UBN1: variants seen among roughly 807,000 people sequenced by gnomAD.
UBN1 encodes the protein ubinuclein 1.
A neutral mutation model predicts 108.5 loss-of-function variants in UBN1; 17 were observed. That is an observed-to-expected ratio of 0.16 (90% CI 0.11 to 0.24). UBN1 has a LOEUF of 0.24. Ranked by LOEUF, UBN1 falls within the 10% of genes least tolerant of loss-of-function variation. The probability of loss-of-function intolerance (pLI) is 1.00; values close to 1 mark genes in which losing one functional copy is unlikely to be tolerated. For synonymous variants in UBN1, 726 were observed against 564.2 expected (o/e 1.29, Z -4.07); for missense variants, 1,595 against 1,394.4 (o/e 1.14, Z -2.29).
At chr16:4,855,342 T>A (rs963721763) in intron 2 of UBN1, among the ~76,000 whole-genome samples, 1 of 152,082 alleles carries the variant, frequency 6.6e-6, no homozygotes, top group African/African-American at 2.4e-5. Context: ...TGGCCTGGCA[T>A]AGTGGCTCAC....
At chr16:4,868,761 G>C in intron 7 of UBN1, 72 bp from the exon 8 acceptor site, 2 of 1,487,038 alleles carry the variant, frequency 1.3e-6, no homozygotes, top group Non-Finnish European at 9.3e-7. Context: ...GATGACTCCT[G>C]TGCCTGTGGG....
chr16:4,859,941 C>T lies in UBN1; in HGVS notation c.644C>T (p.Ser215Leu). 4.3e-6 allele frequency: 7 copies of T among 1,614,090 alleles called. No homozygotes were observed. The highest frequency in any genetic ancestry group is 5.9e-6 in the Non-Finnish European group (7 of 1,180,008). Residue 215 changes from serine (S) to leucine (L), a missense_variant, in exon 6 of 18, where the codon TCG becomes TTG. Coordinates refer to ENST00000262376, the MANE Select transcript of UBN1 (RefSeq NM_001079514.3). The part of the protein sequence containing the change: ...KDDTYDKEKK[S>L]KKSKFSKAGF... ...GACACTTATGACAAGGAGAAGAAATCGAAAAAGTCCAAGTTTTCCAAAGCC... is the reference window on the plus strand; with the variant it reads ...GACACTTATGACAAGGAGAAGAAATTGAAAAAGTCCAAGTTTTCCAAAGCC...
rs752371280 is a variant in UBN1, at chr16:4,859,833, C to G, written c.568-32C>G. On this transcript the variant is annotated intron_variant, in intron 5 of 17. Coordinates refer to ENST00000262376, the MANE Select transcript of UBN1 (RefSeq NM_001079514.3). ...TGCACTTGCTCCCTGAGTTAGGGAG[C>G]CGTGTAACTGTGCCTTGTCTTTAAT... is the stretch of plus-strand genomic sequence containing the variant. 59 of 1,612,600 alleles carry G rather than the reference C, an allele frequency of 3.7e-5. 1 individual carries two copies. The South Asian group carries it at 6.3e-4, about 17-fold the overall frequency.
In UBN1 at chr16:4,861,066, A is replaced by G. The variant is rs1201763516; in HGVS notation, c.1074A>G (p.Pro358=). ...CCTCTTCTCTCCCCGAAGGCCTGCC[A>G]GCACCCCTGGAGAAGCGCGTTAAGG... The part of the protein sequence containing the change: ...RQPSSLPEGL[P]APLEKRVKEL... The change falls in exon 7 of 18, where the codon CCA becomes CCG. Residue 358 remains proline, a synonymous_variant. Transcript: ENST00000262376. 6.2e-7 allele frequency: 1 copy of G among 1,613,878 alleles called. No individual in the cohort carries two copies. The highest frequency in any genetic ancestry group is 1.7e-5 in the Admixed American group (1 of 60,030).
chr16:4,874,938 A>C lies in UBN1; in HGVS notation c.2528A>C (p.Gln843Pro). The C allele has an allele frequency of 6.2e-7, 1 of 1,614,174 alleles. No individual in the cohort carries two copies. Among genetic ancestry groups the C allele is most frequent in the East Asian group, 2.2e-5 (1 of 44,890 alleles). The part of the protein sequence containing the change: ...SPTQCHRSLL[Q>P]LVKTAAKGQG... ...ACACAGTGTCATCGTTCCCTCCTGC[A>C]GTTAGTGAAGACAGCGGCCAAAGGC... is the stretch of plus-strand genomic sequence containing the variant. The change falls in exon 15 of 18, where the codon CAG (glutamine) becomes CCG (proline). Residue 843 changes from glutamine (Q) to proline (P), a missense_variant. Coordinates refer to ENST00000262376, the MANE Select transcript of UBN1 (RefSeq NM_001079514.3).
chr16:4,866,663 C>T (rs2087347799), intron 7 of UBN1, among the ~76,000 whole-genome samples: 1 of 152,234 alleles, frequency 6.6e-6, no homozygotes, highest in African/African-American at 2.4e-5. Flanking sequence ...CAGGCATGCA[C>T]CACCATGCCC....
rs1405905994 is a variant in UBN1, at chr16:4,860,864, C to T, written c.872C>T (p.Ser291Leu). Residue 291 changes from serine to leucine, a missense_variant, in exon 7 of 18, where the codon TCA becomes TTA. This residue lies in a region of UBN1 where 1,398 missense variants were observed against 1,194.7 expected (regional missense o/e 1.17). Coordinates refer to ENST00000262376, the MANE Select transcript of UBN1 (RefSeq NM_001079514.3). ...ELEGASDPLLSLFGSTSDNDL... is the reference protein window; with the variant it reads ...ELEGASDPLLLLFGSTSDNDL... Reference sequence around the variant, plus strand: ...GAGGGTGCCTCTGACCCCTTGCTCTCACTCTTTGGCTCTACTTCTGACAAC... The same window carrying T: ...GAGGGTGCCTCTGACCCCTTGCTCTTACTCTTTGGCTCTACTTCTGACAAC... 1 of 1,614,266 alleles carries T rather than the reference C, an allele frequency of 6.2e-7. No individual in the cohort carries two copies. Among genetic ancestry groups the T allele is most frequent in the Non-Finnish European group, 8.5e-7 (1 of 1,180,052 alleles).
intron 12 of UBN1, 92 bp from the exon 13 acceptor site, chr16:4,872,792 C>T: frequency 7.0e-7 from 1 of 1,430,398 alleles, no homozygotes; most frequent in Non-Finnish European, 9.8e-7. Context: ...TGAGGGATAG[C>T]TACTGAGGAC....
intron 1 of UBN1, among the ~76,000 whole-genome samples, chr16:4,849,232 C>T (rs895484259): frequency 1.3e-5 from 2 of 152,098 alleles, no homozygotes; most frequent in African/African-American, 2.4e-5. Context: ...TTGCCTAAAA[C>T]CTGAAAGTTC....
At chr16:4,860,098 G>C in intron 6 of UBN1, 130 bp downstream of exon 6, 1 of 1,127,956 alleles carries the variant, frequency 8.9e-7, no homozygotes, top group East Asian at 2.6e-5. Flanking sequence ...CCTCCCGCAC[G>C]CCTCCCGCAG....
At chr16:4,870,792 G>C (rs1009576424) in intron 10 of UBN1, 52 bp from the exon 11 acceptor site, 18 of 1,609,054 alleles carry the variant, frequency 1.1e-5, no homozygotes, top group Non-Finnish European at 1.5e-5. Context: ...TGAGGGGAGA[G>C]GCGGTGGGCA....
In UBN1 at chr16:4,873,560, G is replaced by A. The variant is rs78433477; in HGVS notation, c.1800+487G>A. Among the ~76,000 whole-genome samples the A allele has an allele frequency of 6.5e-3, 994 of 152,290 alleles. 11 individuals are homozygous for A. The highest frequency in any genetic ancestry group is 0.023 in the African/African-American group (960 of 41,546). Reference sequence around the variant, plus strand: ...ACCTCTCAATGTAGTAAAAATTGCTGTTTATCAACATTTTTCCCAGTTCTT... The same window carrying A: ...ACCTCTCAATGTAGTAAAAATTGCTATTTATCAACATTTTTCCCAGTTCTT... On this transcript the variant is annotated intron_variant, in intron 14 of 17. Transcript: ENST00000262376.
intron 2 of UBN1, among the ~76,000 whole-genome samples, chr16:4,855,172 C>CT (rs1159746353): frequency 2.6e-5 from 4 of 152,148 alleles, no homozygotes; most frequent in African/African-American, 9.7e-5. Context: ...TCACAGTTGT[C>CT]TGAGTGTGGA....
Position 4,850,595 on chromosome 16 carries a change from G to A in UBN1, c.-39-2284G>A, listed in dbSNP as rs555046987. Among the ~76,000 whole-genome samples the A allele has an allele frequency of 5.3e-5, 8 of 152,258 alleles. No individual in the cohort carries two copies. The South Asian group carries it at 8.3e-4, about 16-fold the overall frequency. ...GAAATCTCCTTTAACATCTTAGTAC[G>A]TGTTGGGAGATGGTCTTTTGCAGCG... is the stretch of plus-strand genomic sequence containing the variant. On this transcript the variant is annotated intron_variant, in intron 1 of 17. Transcript: ENST00000262376.
Position 4,870,569 on chromosome 16 carries a change from G to A in UBN1, c.1365G>A (p.Ala455=), listed in dbSNP as rs764242940. 50 of 1,614,150 alleles carry A rather than the reference G, an allele frequency of 3.1e-5. No individual in the cohort carries two copies. The highest frequency in any genetic ancestry group is 1.6e-4 in the Middle Eastern group (1 of 6,084). ...LQKLKEAIGR[A]MPEQMAKYQD... ...AGCTCAAGGAAGCCATTGGCAGGGC[G>A]ATGCCAGAGCAGATGGCCAAGTACC... The change falls in exon 10 of 18, where the codon GCG becomes GCA. Residue 455 remains alanine, a synonymous_variant. Transcript: ENST00000262376.
chr16:4,853,658 A>C (rs1367127841), intron 2 of UBN1, among the ~76,000 whole-genome samples: 1 of 151,436 alleles, frequency 6.6e-6, no homozygotes. Flanking sequence ...CCCGAGTTCA[A>C]GTGATTCTCC....
chr16:4,874,422 C>G lies in UBN1; in HGVS notation c.2012C>G (p.Ser671Cys), dbSNP rs927553360. The G allele has an allele frequency of 5.0e-6, 8 of 1,614,024 alleles. No homozygotes were observed. The highest frequency in any genetic ancestry group is 6.8e-6 in the Non-Finnish European group (8 of 1,180,022). ...GAAGACTTGATCCGCAATCCAGCCT[C>G]CTCGGTGGAAGCCGTGTCCAAGGAA... ...LDEDLIRNPA[S>C]SVEAVSKELA... The change falls in exon 15 of 18, where the codon TCC (serine) becomes TGC (cysteine). Residue 671 changes from serine to cysteine, a missense_variant. Ser to Cys is a moderately radical substitution (Grantham distance 112). Coordinates refer to ENST00000262376, the MANE Select transcript of UBN1 (RefSeq NM_001079514.3).
rs1644735498 is a variant in UBN1 at position 4,876,867 on chromosome 16, C to T, written c.3025-4C>T. ...TCTTACCGCTTGCTGTGTTTCTTCCCTAGAAAGGAGCGAGTGGGACTGTGC... is the reference window on the plus strand; with the variant it reads ...TCTTACCGCTTGCTGTGTTTCTTCCTTAGAAAGGAGCGAGTGGGACTGTGC... On this transcript the variant is annotated splice_region_variant and splice_polypyrimidine_tract_variant and intron_variant, in intron 15 of 17. Transcript: ENST00000262376. 1 of 1,579,520 alleles carries T rather than the reference C, an allele frequency of 6.3e-7. No individual in the cohort carries two copies.
intron 7 of UBN1, among the ~76,000 whole-genome samples, chr16:4,866,136 TCA>T (rs1318297613): frequency 1.3e-5 from 2 of 152,174 alleles, no homozygotes; most frequent in Non-Finnish European, 2.9e-5. Context: ...CAAAAAAAGT[TCA>T]GTTTTATTTT....
Sources: gnomAD v4.1 joint callset for allele counts (sites outside exome capture counted in the v4.1 genomes callset) on GRCh38, gnomAD v4.1.1 for gene constraint, gnomAD v4.1.1 regional missense constraint, MANE v1.5 for transcripts, NCBI Gene and HGNC (gene_info 2026-07-23, HGNC 2026-07-21) for gene names.